Variants in PRIM1 observed in about 807,000 individuals in gnomAD.
PRIM1 encodes DNA primase small subunit.
In PRIM1, 38 loss-of-function variants were observed where a neutral mutation model predicts 60.2. The observed-to-expected ratio is 0.63, with a 90% CI of 0.49 to 0.83. The LOEUF (loss-of-function observed/expected upper bound fraction) is 0.83. PRIM1 is among the 40% of genes least tolerant of loss of function. The pLI, the probability that PRIM1 is intolerant of heterozygous loss-of-function variation, is 0.00. For missense variants in PRIM1, 388 were observed against 506.2 expected (o/e 0.77, Z 2.24); for synonymous variants, 158 against 160.2 (o/e 0.99, Z 0.10).
intron 12 of PRIM1, among the ~76,000 whole-genome samples, chr12:56,733,768 T>G (rs1953802521): frequency 6.6e-6 from 1 of 151,982 alleles, no homozygotes; most frequent in African/African-American, 2.4e-5. Context: ...TTTTTGTATT[T>G]TTAGTAGAAA....
chr12:56,745,106 CAAAA>C (rs769500502), intron 5 of PRIM1, among the ~76,000 whole-genome samples: 1 of 97,178 alleles, frequency 1.0e-5, no homozygotes. Flanking sequence ...GACTCCGTCT[CAAAA>C]AAAAAAAAAA....
Position 56,746,070 on chromosome 12 carries a change from A to G in PRIM1, c.554T>C (p.Ile185Thr), listed in dbSNP as rs1953904504. 1 of 1,611,244 alleles carries G rather than the reference A, an allele frequency of 6.2e-7. No homozygotes were observed. Among genetic ancestry groups the G allele is most frequent in the Non-Finnish European group, 8.5e-7 (1 of 1,179,120 alleles). ...RKLSSAVRSG[I>T]VEYLSLVKGG... Reference sequence around the variant, plus strand: ...CTTTACAAGGCTCAAATACTCAACTATCCCAGAACGTACTGCAGAAGACAG... The same window carrying G: ...CTTTACAAGGCTCAAATACTCAACTGTCCCAGAACGTACTGCAGAAGACAG... Residue 185 changes from isoleucine (I) to threonine (T), a missense_variant, in exon 5 of 13, where the codon ATA (isoleucine) becomes ACA (threonine). Around this residue, in one of 3 missense-constraint regions of PRIM1, gnomAD observed 211 missense variants for 277.9 expected, o/e 0.76. Coordinates refer to ENST00000338193, the MANE Select transcript of PRIM1 (RefSeq NM_000946.3).
intron 11 of PRIM1, among the ~76,000 whole-genome samples, chr12:56,734,778 T>TATATATATATATATATATATA (rs1555228415): frequency 4.3e-5 from 6 of 140,290 alleles, no homozygotes; most frequent in African/African-American, 1.6e-4. Flanking sequence ...TCTTTTATAT[T>TATATATATATATATATATATA]TATATATATA....
chr12:56,743,978 G>T, intron 6 of PRIM1, 87 bp downstream of exon 6: 1 of 876,114 alleles, frequency 1.1e-6, no homozygotes, highest in Non-Finnish European at 1.8e-6. Flanking sequence ...ATGCTACCCA[G>T]CAGTGAAAAT....
chr12:56,731,845 A>G (rs1383030440), intron 12 of PRIM1, 111 bp from the exon 13 acceptor site: 1 of 839,028 alleles, frequency 1.2e-6, no homozygotes, highest in East Asian at 3.0e-5. Context: ...CATCATGCAC[A>G]AAGATTTGCT....
intron 11 of PRIM1, among the ~76,000 whole-genome samples, chr12:56,738,098 T>C (rs534418873): frequency 6.6e-6 from 1 of 152,208 alleles, no homozygotes; most frequent in Admixed American, 6.6e-5. Flanking sequence ...CCCACCTATA[T>C]GCATCAGAAA....
At position 56,751,445 on chromosome 12, in the gene PRIM1, C is replaced by T. The variant is rs1592337347; in HGVS notation, c.104-250G>A. The T allele has an allele frequency of 1.6e-5, 4 of 246,722 alleles. No homozygotes were observed. In the South Asian group the frequency reaches 4.1e-4, roughly 25 times the overall value. 15.3% of individuals were successfully genotyped at this position (246,722 alleles called of 1,614,324 possible). A position where few individuals can be genotyped will look rare whatever the true frequency, so the allele number is the denominator to read the frequency against. On this transcript the variant is annotated intron_variant, in intron 1 of 12. Transcript: ENST00000338193. Reference sequence around the variant, plus strand: ...ACTACAGGCATGCGACCCACCATGCCCAGATAATTTTTGTATTTTTTGTAG... The same window carrying T: ...ACTACAGGCATGCGACCCACCATGCTCAGATAATTTTTGTATTTTTTGTAG...
chr12:56,736,314 A>AAAAAAAAAAAAG, intron 11 of PRIM1, among the ~76,000 whole-genome samples: 1 of 148,878 alleles, frequency 6.7e-6, no homozygotes, highest in Non-Finnish European at 1.5e-5. Context: ...AAAAAAAAAA[A>AAAAAAAAAAAAG]AAAAAAAAAA....
chr12:56,734,743 T>C (rs1422481036), intron 11 of PRIM1, among the ~76,000 whole-genome samples: 2 of 148,206 alleles, frequency 1.3e-5, no homozygotes, highest in Non-Finnish European at 3.0e-5. Context: ...AAAATTGAGA[T>C]ATATGATACT....
chr12:56,748,455 G>A (rs920520948), intron 2 of PRIM1, among the ~76,000 whole-genome samples: 1 of 151,824 alleles, frequency 6.6e-6, no homozygotes, highest in African/African-American at 2.4e-5. Context: ...GTGAAACCCC[G>A]TCTCTACTAA....
chr12:56,751,261 T>C (rs1953954300), intron 1 of PRIM1, 66 bp from the exon 2 acceptor site: 1 of 1,236,300 alleles, frequency 8.1e-7, no homozygotes, highest in Non-Finnish European at 1.1e-6. Context: ...ATTATAATTT[T>C]AGCCAATGAG....
intron 2 of PRIM1, among the ~76,000 whole-genome samples, chr12:56,748,743 G>C (rs533649374): frequency 6.6e-6 from 1 of 152,116 alleles, no homozygotes; most frequent in South Asian, 2.1e-4. Context: ...ATCACTTGAG[G>C]TCAGGAGTTC....
intron 11 of PRIM1, among the ~76,000 whole-genome samples, chr12:56,737,340 C>G (rs147493029): frequency 9.8e-4 from 141 of 144,192 alleles, no homozygotes; most frequent in Middle Eastern, 3.5e-3. Context: ...TGCTGCGCTG[C>G]TATGCGGCAT....
chr12:56,746,175 A>G lies in PRIM1; in HGVS notation c.449T>C (p.Phe150Ser), dbSNP rs1417484269. 7 of 1,610,662 alleles carry G rather than the reference A, an allele frequency of 4.3e-6. No homozygotes were observed. In the African/African-American group the frequency reaches 8.0e-5, roughly 18 times the overall value. ...TACCCAGAGACGATGCTTAAATCCA[A>G]AGTCCTCTGAGGAAGAGAGAAATAA... ...RIIDRALKEDFGFKHRLWVYS... is the reference protein window; with the variant it reads ...RIIDRALKEDSGFKHRLWVYS... The change falls in exon 5 of 13, where the codon TTT becomes TCT. Residue 150 changes from phenylalanine (F) to serine (S), a missense_variant. Coordinates refer to ENST00000338193, the MANE Select transcript of PRIM1 (RefSeq NM_000946.3).
At chr12:56,738,548 ATT>A in intron 10 of PRIM1, 23 bp from the exon 11 acceptor site, 2 of 1,557,052 alleles carry the variant, frequency 1.3e-6, no homozygotes, top group Admixed American at 1.9e-5. Context: ...GAACAAGAGA[ATT>A]TTGTTTTTGT....
chr12:56,746,641 C>T, intron 4 of PRIM1, 140 bp downstream of exon 4: 2 of 634,724 alleles, frequency 3.2e-6, no homozygotes, highest in Non-Finnish European at 5.5e-6. Flanking sequence ...CACACACACA[C>T]ACACACACAC....
intron 2 of PRIM1, among the ~76,000 whole-genome samples, chr12:56,748,095 T>G: frequency 6.6e-6 from 1 of 152,178 alleles, no homozygotes; most frequent in East Asian, 1.9e-4. Flanking sequence ...GCTAGGTGAC[T>G]GCTCTTTCAT....
At chr12:56,732,053 T>A (rs1592330052) in intron 12 of PRIM1, among the ~76,000 whole-genome samples, 1 of 152,338 alleles carries the variant, frequency 6.6e-6, no homozygotes, top group African/African-American at 2.4e-5. Context: ...AACTATCACA[T>A]ATTTAAATAA....
intron 5 of PRIM1, 26 bp downstream of exon 5, chr12:56,746,019 G>C: frequency 2.5e-6 from 4 of 1,578,716 alleles, no homozygotes; most frequent in Non-Finnish European, 3.4e-6. Context: ...CTAAAGCAAT[G>C]CAAATTAGAA....
Sources: allele counts gnomAD v4.1 joint callset (sites outside exome capture counted in the v4.1 genomes callset), GRCh38; gene constraint gnomAD v4.1.1; regional missense constraint gnomAD v4.1.1; transcripts MANE v1.5; gene names NCBI Gene and HGNC (gene_info 2026-07-23, HGNC 2026-07-21).